SCAP: variants seen among roughly 807,000 people sequenced by gnomAD.
SCAP encodes SREBF chaperone, also known as sterol regulatory element-binding protein cleavage-activating protein.
In SCAP, 65 loss-of-function variants were observed where a neutral mutation model predicts 123.6. That is an observed-to-expected ratio of 0.53 (90% CI 0.43 to 0.65). SCAP has a LOEUF of 0.65. Ranked by LOEUF, SCAP falls within the 30% of genes least tolerant of loss-of-function variation. The probability of loss-of-function intolerance (pLI) is 0.00; values close to 1 mark genes in which losing one functional copy is unlikely to be tolerated. For missense variants in SCAP, 1,398 were observed against 1,712.5 expected (o/e 0.82, Z 3.24); for synonymous variants, 740 against 726.3 (o/e 1.02, Z -0.30).
chr3:47,418,323 T>C lies in SCAP; in HGVS notation c.2329A>G (p.Met777Val). ...IVPLVLRGHLMDIECLASDGM... is the reference protein window; with the variant it reads ...IVPLVLRGHLVDIECLASDGM... ...CCGGCCACTGTGCCCCTGCTCACCA[T>C]GAGGTGGCCGCGCAGCACAAGCGGC... Residue 777 changes from methionine to valine, a missense_variant and splice_region_variant, in exon 15 of 23, where the codon ATG (methionine) becomes GTG (valine). Physicochemically the swap from Met to Val is conservative, Grantham distance 21. Coordinates refer to ENST00000265565, the MANE Select transcript of SCAP (RefSeq NM_012235.4). 1 of 1,560,528 alleles carries C rather than the reference T, an allele frequency of 6.4e-7. No homozygotes were observed. The highest frequency in any genetic ancestry group is 8.7e-7 in the Non-Finnish European group (1 of 1,153,078).
chr3:47,418,626 T>TCC, intron 14 of SCAP, 29 bp downstream of exon 14: 1 of 1,459,576 alleles, frequency 6.9e-7, no homozygotes, highest in Non-Finnish European at 9.5e-7. Flanking sequence ...CCGCACTCTT[T>TCC]CCCACCCCAC....
rs1707194286 is a variant in SCAP, at chr3:47,450,394, C to A, written c.-98-7303G>T. Reference sequence around the variant, plus strand: ...GTAGTAAAGTTTTCTACAAAAAGCACACATTACTTTTACAATTTGAAAAAA... The same window carrying A: ...GTAGTAAAGTTTTCTACAAAAAGCAAACATTACTTTTACAATTTGAAAAAA... On this transcript the variant is annotated intron_variant, in intron 1 of 22. Transcript: ENST00000265565. 1.6e-5 allele frequency among the ~76,000 whole-genome samples: 2 copies of A among 124,944 alleles called. 1 individual carries two copies. The highest frequency in any genetic ancestry group is 5.5e-5 in the African/African-American group (2 of 36,518). The allele number at this position is 124,944 out of a possible 152,430, so 82.0% of individuals were successfully genotyped here.
At position 47,442,866 on chromosome 3, in the gene SCAP, A is replaced by G. The variant is rs1706859776; in HGVS notation, c.122+6T>C. On this transcript the variant is annotated splice_donor_region_variant and intron_variant, in intron 2 of 22. Coordinates refer to ENST00000265565, the MANE Select transcript of SCAP (RefSeq NM_012235.4). ...CCACCATATCCAAGGCAACCCAAAA[A>G]CATACCAGCAGGCTAAGATGCAGAA... 4 of 1,613,858 alleles carry G rather than the reference A, an allele frequency of 2.5e-6. No homozygotes were observed. The highest frequency in any genetic ancestry group is 3.3e-5 in the Admixed American group (2 of 60,002).
intron 1 of SCAP, among the ~76,000 whole-genome samples, chr3:47,455,068 T>C (rs1292684225): frequency 2.7e-4 from 6 of 22,262 alleles, no homozygotes; most frequent in Non-Finnish European, 5.6e-4. Context: ...ATTACATATA[T>C]ATATATATAT....
intron 1 of SCAP, among the ~76,000 whole-genome samples, chr3:47,470,669 C>A (rs1311136929): frequency 6.6e-6 from 1 of 152,208 alleles, no homozygotes; most frequent in African/African-American, 2.4e-5. Flanking sequence ...TCAAGACTAG[C>A]CTGGCCAACA....
At chr3:47,429,839 T>C (rs912623180) in intron 3 of SCAP, among the ~76,000 whole-genome samples, 8 of 152,218 alleles carry the variant, frequency 5.3e-5, no homozygotes, top group Admixed American at 3.9e-4. Flanking sequence ...TAGCCCTTTA[T>C]GGAACATGTC....
At chr3:47,436,951 C>T (rs564686093) in intron 2 of SCAP, among the ~76,000 whole-genome samples, 14 of 152,312 alleles carry the variant, frequency 9.2e-5, no homozygotes, top group South Asian at 8.3e-4. Context: ...ATAAATGAAA[C>T]CATTCATTCT....
intron 3 of SCAP, 184 bp downstream of exon 3, chr3:47,434,824 C>T: frequency 3.1e-6 from 2 of 655,538 alleles, no homozygotes; most frequent in South Asian, 4.3e-5. Flanking sequence ...ACAACAGGAG[C>T]AAAACTCCAT....
rs1351666383 is a variant in SCAP, at chr3:47,427,712, A to C, written c.411-45T>G. The C allele has an allele frequency of 4.6e-6, 7 of 1,509,910 alleles. No individual in the cohort carries two copies. The Admixed American group carries it at 5.3e-5, about 11-fold the overall frequency. The allele number at this position is 1,509,910 out of a possible 1,614,324, so 93.5% of individuals were successfully genotyped here. Reference sequence around the variant, plus strand: ...AGGCACCTGCTGTGTCTGCCACCACAGGGCAGACCTGCTGTACTTAGGGGA... The same window carrying C: ...AGGCACCTGCTGTGTCTGCCACCACCGGGCAGACCTGCTGTACTTAGGGGA... On this transcript the variant is annotated intron_variant, in intron 4 of 22. Coordinates refer to ENST00000265565, the MANE Select transcript of SCAP (RefSeq NM_012235.4).
chr3:47,435,278 G>A (rs1706524823), intron 2 of SCAP, 141 bp from the exon 3 acceptor site: 2 of 973,094 alleles, frequency 2.1e-6, no homozygotes, highest in South Asian at 4.7e-5. Context: ...TCACAAAATT[G>A]CAAAGCTGAA....
chr3:47,469,887 T>A (rs1376850501), intron 1 of SCAP: 2 of 519,792 alleles, frequency 3.8e-6, no homozygotes, highest in Admixed American at 4.3e-5. Context: ...AACAAGAAAT[T>A]AGCCACAGAT....
At chr3:47,436,585 T>C (rs1706587897) in intron 2 of SCAP, among the ~76,000 whole-genome samples, 1 of 151,648 alleles carries the variant, frequency 6.6e-6, no homozygotes, top group African/African-American at 2.4e-5. Context: ...GCTGAGATCA[T>C]GCCACTGTAC....
chr3:47,418,604 C>A, intron 14 of SCAP, 51 bp downstream of exon 14: 3 of 1,550,152 alleles, frequency 1.9e-6, no homozygotes, highest in Non-Finnish European at 2.6e-6. Context: ...TCTTGCCTAC[C>A]CGTCCCCCTC....
In SCAP at chr3:47,419,207, C is replaced by G; in HGVS notation, c.1940+121G>C. ...GCCTAAACCACCAGTTCCCACCTCA[C>G]AACCTTATGAACTGTTTTAATTATT... On this transcript the variant is annotated intron_variant, in intron 13 of 22. Coordinates refer to ENST00000265565, the MANE Select transcript of SCAP (RefSeq NM_012235.4). This position sits in a 1 kb window ranked among gnomAD's most constrained non-coding sequence, Gnocchi z 5.0. 5 of 1,337,404 alleles carry G rather than the reference C, an allele frequency of 3.7e-6. No homozygotes were observed. Among genetic ancestry groups the G allele is most frequent in the Non-Finnish European group, 5.0e-6 (5 of 993,588 alleles). The allele number at this position is 1,337,404 out of a possible 1,614,324, so 82.8% of individuals were successfully genotyped here.
In SCAP at chr3:47,413,889, C is replaced by T. The variant is rs1471214773; in HGVS notation, c.3805G>A (p.Val1269Met). 2 of 1,613,128 alleles carry T rather than the reference C, an allele frequency of 1.2e-6. No homozygotes were observed. The highest frequency in any genetic ancestry group is 1.7e-6 in the Non-Finnish European group (2 of 1,180,016). The change falls in exon 23 of 23, where the codon GTG (valine) becomes ATG (methionine). Residue 1269 changes from valine (V) to methionine (M), a missense_variant. Coordinates refer to ENST00000265565, the MANE Select transcript of SCAP (RefSeq NM_012235.4). ...VCNFGSELSL[V>M]YVPSVLEKLD Reference sequence around the variant, plus strand: ...TTCTCCAGCACAGAGGGCACATACACCAGGCTGAGCTCACTGCCAAAGTTG... The same window carrying T: ...TTCTCCAGCACAGAGGGCACATACATCAGGCTGAGCTCACTGCCAAAGTTG...
In SCAP at chr3:47,418,519, C is replaced by A. The variant is rs1235835752; in HGVS notation, c.2133G>T (p.Val711=). Residue 711 remains valine, a synonymous_variant, in exon 15 of 23, where the codon GTG becomes GTT. Coordinates refer to ENST00000265565, the MANE Select transcript of SCAP (RefSeq NM_012235.4). ...TGCCGGTGGCCAGGCCCAGCGCCGCCACCCTGCACGGGAGGGCGGACTGCT... is the reference window on the plus strand; with the variant it reads ...TGCCGGTGGCCAGGCCCAGCGCCGCAACCCTGCACGGGAGGGCGGACTGCT... The part of the protein sequence containing the change: ...QAHGDVTLYK[V]AALGLATGIV... 1.9e-6 allele frequency: 3 copies of A among 1,589,972 alleles called. No individual in the cohort carries two copies. The Admixed American group carries it at 5.3e-5, about 28-fold the overall frequency.
intron 1 of SCAP, among the ~76,000 whole-genome samples, chr3:47,446,412 C>G (rs1707044221): frequency 6.6e-6 from 1 of 152,062 alleles, no homozygotes; most frequent in Non-Finnish European, 1.5e-5. Flanking sequence ...ACCTCATGAT[C>G]TGCCCTCCTT....
chr3:47,470,612 C>T (rs1051415861), intron 1 of SCAP, among the ~76,000 whole-genome samples: 1 of 152,224 alleles, frequency 6.6e-6, no homozygotes, highest in African/African-American at 2.4e-5. Flanking sequence ...CCTATAATCC[C>T]AACACTTTGG....
At chr3:47,454,178 T>A (rs530599822) in intron 1 of SCAP, among the ~76,000 whole-genome samples, 1 of 152,012 alleles carries the variant, frequency 6.6e-6, no homozygotes, top group East Asian at 1.9e-4. Flanking sequence ...CCATCCTGGC[T>A]AACACAGTGA....
Sources: allele counts gnomAD v4.1 joint callset (sites outside exome capture counted in the v4.1 genomes callset), GRCh38; gene constraint gnomAD v4.1.1; non-coding constraint Gnocchi (gnomAD v3.1); transcripts MANE v1.5; gene names NCBI Gene and HGNC (gene_info 2026-07-23, HGNC 2026-07-21).